The following KLHL15 variants were observed in gnomAD, a reference collection of about 807,000 sequenced individuals.
KLHL15 encodes kelch-like protein 15.
A neutral mutation model predicts 29.3 loss-of-function variants in KLHL15; 1 was observed. That is an observed-to-expected ratio of 0.03 (90% confidence interval 0.01 to 0.16). The LOEUF (loss-of-function observed/expected upper bound fraction) is 0.16. KLHL15 is among the 10% of genes least tolerant of loss of function. KLHL15 has a pLI of 1.00. For synonymous variants in KLHL15, 212 were observed against 184.5 expected (o/e 1.15, Z -1.21); for missense variants, 215 against 478.5 (o/e 0.45, Z 5.14).
At chrX:23,990,118 G>A (rs1230568175) in intron 3 of KLHL15, among the ~76,000 whole-genome samples, 1 of 110,416 alleles carries the variant, frequency 9.1e-6, no homozygotes, top group East Asian at 2.9e-4. Flanking sequence ...GGCAAACAAA[G>A]CAAGACCTCA....
intron 3 of KLHL15, among the ~76,000 whole-genome samples, chrX:23,991,124 G>A (rs1232947775): frequency 4.6e-5 from 5 of 108,364 alleles, no homozygotes; most frequent in African/African-American, 1.7e-4. Context: ...AGGCTGAGGC[G>A]GGCAGATTAC....
At chrX:23,991,057 A>G (rs758788064) in intron 3 of KLHL15, among the ~76,000 whole-genome samples, 2 of 110,283 alleles carry the variant, frequency 1.8e-5, no homozygotes, top group Non-Finnish European at 3.8e-5. Flanking sequence ...TACATAAGAG[A>G]GAAAACTAAC....
At chrX:23,991,779 C>T (rs1929093256) in intron 3 of KLHL15, among the ~76,000 whole-genome samples, 1 of 111,796 alleles carries the variant, frequency 8.9e-6, no homozygotes, top group African/African-American at 3.3e-5. Context: ...GCGGAGGTTG[C>T]AGTGAACTGA....
chrX:24,008,511 T>A (rs920257638), intron 2 of KLHL15, among the ~76,000 whole-genome samples: 1 of 112,366 alleles, frequency 8.9e-6, no homozygotes, highest in Non-Finnish European at 1.9e-5. Flanking sequence ...AGTGGTGGGG[T>A]TACAGGCGTG....
Position 24,027,163 on chromosome X carries a change from C to T in KLHL15, c.-233G>A, listed in dbSNP as rs1929949160. 8.9e-6 allele frequency: 1 copy of T among 111,838 alleles called. No homozygotes were observed. Among genetic ancestry groups the T allele is most frequent in the Non-Finnish European group, 1.9e-5 (1 of 53,277 alleles). 9.2% of individuals were successfully genotyped at this position (111,838 alleles called of 1,213,427 possible). A position where few individuals can be genotyped will look rare whatever the true frequency, so the allele number is the denominator to read the frequency against. ...ACCTGTCTAAAGAGAGGCTTCTGTTCTTGATTCAAGCAAGAGTTGAAACGT... is the reference window on the plus strand; with the variant it reads ...ACCTGTCTAAAGAGAGGCTTCTGTTTTTGATTCAAGCAAGAGTTGAAACGT... On this transcript the variant is annotated 5_prime_UTR_variant, in exon 1 of 4. Coordinates refer to ENST00000328046, the MANE Select transcript of KLHL15 (RefSeq NM_030624.3).
chrX:23,985,093 T>C lies in KLHL15; in HGVS notation c.*2828A>G, dbSNP rs1393731107. On this transcript the variant is annotated 3_prime_UTR_variant, in exon 4 of 4. Transcript: ENST00000328046. Reference sequence around the variant, plus strand: ...AAGGAATTTCTTTAAAATCAAAACTTAGAAGGTCAAAGACACGGAAGAGAA... The same window carrying C: ...AAGGAATTTCTTTAAAATCAAAACTCAGAAGGTCAAAGACACGGAAGAGAA... 1 of 112,160 alleles carries C rather than the reference T, an allele frequency of 8.9e-6. No homozygotes were observed. Among genetic ancestry groups the C allele is most frequent in the Non-Finnish European group, 1.9e-5 (1 of 53,182 alleles). The allele number at this position is 112,160 out of a possible 1,213,427, so 9.2% of individuals were successfully genotyped here.
Position 24,006,217 on chromosome X carries a change from T to G in KLHL15, c.477A>C (p.Leu159=), listed in dbSNP as rs1465142942. 3.3e-6 allele frequency: 4 copies of G among 1,211,573 alleles called. No homozygotes were observed. In the Admixed American group the frequency reaches 8.7e-5, roughly 26 times the overall value. ...TAGACATGAGTGGCACAAAGTTGTC[T>G]AGCAGAAAGGTGTCTAACTTCTCCC... ...GVREKLDTFL[L]DNFVPLMSRP... The change falls in exon 3 of 4, where the codon CTA becomes CTC. Residue 159 remains leucine, a synonymous_variant. Transcript: ENST00000328046.
intron 3 of KLHL15, among the ~76,000 whole-genome samples, chrX:24,001,718 C>T (rs1384229649): frequency 1.1e-5 from 1 of 86,957 alleles, no homozygotes; most frequent in Admixed American, 1.4e-4. Flanking sequence ...GCAGGAGAAT[C>T]GCTTGAACCC....
chrX:23,989,277 G>A (rs989071962), intron 3 of KLHL15, among the ~76,000 whole-genome samples: 2 of 107,230 alleles, frequency 1.9e-5, no homozygotes, highest in African/African-American at 3.4e-5. Context: ...CGCAAGCTCC[G>A]CCTCCCAGGT....
chrX:23,988,471 G>A lies in KLHL15; in HGVS notation c.1265C>T (p.Thr422Ile), dbSNP rs55868044. 1.2e-5 allele frequency: 15 copies of A among 1,208,638 alleles called. No homozygotes were observed. Among genetic ancestry groups the A allele is most frequent in the African/African-American group, 1.7e-5 (1 of 57,196 alleles). ...YPVNKYGHEG[T>I]VLNNKLFITG... ...GATAAACAATTTGTTATTGAGCACT[G>A]TCCCCTCATGTCCATATTTGTTAAC... is the stretch of plus-strand genomic sequence containing the variant. Residue 422 changes from threonine (T) to isoleucine (I), a missense_variant, in exon 4 of 4, where the codon ACA (threonine) becomes ATA (isoleucine). Thr to Ile is a moderately conservative substitution (Grantham distance 89, BLOSUM62 -1). Transcript: ENST00000328046.
At chrX:24,003,568 A>C (rs1929377702) in intron 3 of KLHL15, among the ~76,000 whole-genome samples, 1 of 107,401 alleles carries the variant, frequency 9.3e-6, no homozygotes, top group Non-Finnish European at 1.9e-5. Flanking sequence ...AAACCAAAAA[A>C]AAAAAAACAA....
At position 24,015,128 on chromosome X, in the gene KLHL15, T is replaced by C. The variant is rs1038662380; in HGVS notation, c.-7-8428A>G. The stretch of plus-strand genomic sequence containing the variant: ...CCTCTTTACTACCTTAGGTTGATTT[T>C]TCCTACTTATAACCAAGGGTCCTAA... On this transcript the variant is annotated intron_variant, in intron 2 of 3. Transcript: ENST00000328046. Among the ~76,000 whole-genome samples, 6 of 112,220 alleles carry C rather than the reference T, an allele frequency of 5.3e-5. No homozygotes were observed. The East Asian group carries it at 1.7e-3, about 31-fold the overall frequency.
At chrX:24,025,541 T>C (rs1182501285) in intron 1 of KLHL15, among the ~76,000 whole-genome samples, 1 of 106,817 alleles carries the variant, frequency 9.4e-6, no homozygotes, top group Non-Finnish European at 2.0e-5. Context: ...TGGGAAGCCG[T>C]TGGGGGCGGG....
At chrX:24,014,987 A>G (rs1200447965) in intron 2 of KLHL15, among the ~76,000 whole-genome samples, 1 of 112,133 alleles carries the variant, frequency 8.9e-6, no homozygotes, top group East Asian at 2.8e-4. Context: ...AGAAAGAATA[A>G]AGCCAAAAGG....
chrX:24,007,994 G>C (rs1929490006), intron 2 of KLHL15, among the ~76,000 whole-genome samples: 1 of 111,015 alleles, frequency 9.0e-6, no homozygotes, highest in South Asian at 3.7e-4. Context: ...ATATTTGTTA[G>C]ATGAGAAAAA....
chrX:23,994,447 T>C (rs149026989), intron 3 of KLHL15, among the ~76,000 whole-genome samples: 4 of 112,512 alleles, frequency 3.6e-5, no homozygotes, highest in African/African-American at 6.4e-5. Context: ...GTATATACCA[T>C]ATGCAGCTGT....
chrX:24,009,746 T>C (rs1203318524), intron 2 of KLHL15, among the ~76,000 whole-genome samples: 4 of 104,252 alleles, frequency 3.8e-5, no homozygotes, highest in Non-Finnish European at 7.8e-5. Context: ...TTCCAACACT[T>C]TGGGAGGCTG....
intron 3 of KLHL15, among the ~76,000 whole-genome samples, chrX:24,001,905 G>A (rs1025599846): frequency 1.8e-4 from 19 of 108,163 alleles, no homozygotes; most frequent in African/African-American, 5.0e-4. Context: ...AGGCCAAGGC[G>A]GGTGGATCAC....
rs1928978197 is a variant in KLHL15, at chrX:23,985,979, G to T, written c.*1942C>A. 9.0e-6 allele frequency: 1 copy of T among 111,129 alleles called. No individual in the cohort carries two copies. The highest frequency in any genetic ancestry group is 1.9e-5 in the Non-Finnish European group (1 of 52,890). The allele number at this position is 111,129 out of a possible 1,213,427, so 9.2% of individuals were successfully genotyped here. On this transcript the variant is annotated 3_prime_UTR_variant, in exon 4 of 4. Transcript: ENST00000328046. ...AAGACTTTTACCCATATTACCATGG[G>T]AAACAAGATACCAAATTTCATGTTT...
Sources: allele counts gnomAD v4.1 joint callset (sites outside exome capture counted in the v4.1 genomes callset), GRCh38; gene constraint gnomAD v4.1.1; transcripts MANE v1.5; gene names NCBI Gene and HGNC (gene_info 2026-07-23, HGNC 2026-07-21).